The following SIMC1 variants were observed in gnomAD, a reference collection of about 807,000 sequenced individuals.
The protein encoded by SIMC1 is SUMO interacting motifs containing 1.
A neutral mutation model predicts 82.3 loss-of-function variants in SIMC1; 55 were observed. The ratio of observed to expected loss-of-function variants is 0.67; its 90% confidence interval spans 0.54 to 0.84. The LOEUF is 0.84. Ranked by LOEUF, SIMC1 falls within the 40% of genes least tolerant of loss-of-function variation. The pLI is 0.00. For synonymous variants in SIMC1, 353 were observed against 426.3 expected (o/e 0.83, Z 2.12); for missense variants, 915 against 1,107.2 (o/e 0.83, Z 2.46).
intron 1 of SIMC1, among the ~76,000 whole-genome samples, chr5:176,252,620 A>G (rs1761712561): frequency 7.6e-6 from 1 of 131,322 alleles, no homozygotes; most frequent in African/African-American, 3.0e-5. Context: ...CCTAGATGGG[A>G]TGGCGGCCGG....
intron 4 of SIMC1, among the ~76,000 whole-genome samples, chr5:176,298,693 T>C (rs1417331348): frequency 6.6e-6 from 1 of 152,166 alleles, no homozygotes; most frequent in African/African-American, 2.4e-5. Flanking sequence ...ATAATATAAA[T>C]TGCAGTGGAG....
intron 5 of SIMC1, among the ~76,000 whole-genome samples, chr5:176,314,253 C>A (rs1016162386): frequency 1.3e-5 from 2 of 152,064 alleles, no homozygotes; most frequent in Non-Finnish European, 2.9e-5. Flanking sequence ...GGTGACAGAG[C>A]AAGACTCCAT....
chr5:176,268,867 CTT>C (rs1762311466), intron 1 of SIMC1, among the ~76,000 whole-genome samples: 1 of 152,312 alleles, frequency 6.6e-6, no homozygotes, highest in African/African-American at 2.4e-5. Context: ...ACAGAATACA[CTT>C]TTTCTCCCTA....
intron 4 of SIMC1, 50 bp from the exon 5 acceptor site, chr5:176,313,641 C>T (rs1322451216): frequency 6.2e-6 from 10 of 1,605,236 alleles, no homozygotes; most frequent in African/African-American, 2.7e-5. Context: ...TGTTGACTGT[C>T]ATCCAAGAGA....
intron 1 of SIMC1, among the ~76,000 whole-genome samples, chr5:176,269,840 G>A (rs1375508207): frequency 6.6e-6 from 1 of 152,020 alleles, no homozygotes; most frequent in Non-Finnish European, 1.5e-5. Context: ...TGACCTCCCA[G>A]GTTTAAGCCG....
chr5:176,327,121 A>C (rs1765428647), intron 7 of SIMC1, among the ~76,000 whole-genome samples: 1 of 152,214 alleles, frequency 6.6e-6, no homozygotes. Flanking sequence ...ATGTAAGCCC[A>C]GATGCTGGTA....
intron 7 of SIMC1, among the ~76,000 whole-genome samples, chr5:176,331,302 G>A (rs137914301): frequency 0.071 from 10,711 of 151,318 alleles, 523 homozygotes; most frequent in East Asian, 0.18. Flanking sequence ...CCCAGGAGGC[G>A]GAGCTTGCAG....
At chr5:176,330,613 T>C (rs183675681) in intron 7 of SIMC1, among the ~76,000 whole-genome samples, 12 of 152,192 alleles carry the variant, frequency 7.9e-5, no homozygotes, top group Non-Finnish European at 1.5e-5. Context: ...AAAATGAATA[T>C]TGACAGTAAA....
chr5:176,320,114 G>C (rs1207619815), intron 5 of SIMC1, among the ~76,000 whole-genome samples: 3 of 152,152 alleles, frequency 2.0e-5, no homozygotes, highest in African/African-American at 7.2e-5. Context: ...CCAAGGTTTT[G>C]GAAGACACGT....
intron 1 of SIMC1, among the ~76,000 whole-genome samples, chr5:176,243,074 G>A (rs1208413308): frequency 6.6e-6 from 1 of 152,020 alleles, no homozygotes; most frequent in Non-Finnish European, 1.5e-5. Flanking sequence ...CTGGGGACCA[G>A]AGGTGAACAA....
intron 6 of SIMC1, chr5:176,322,744 T>C (rs1765220259): frequency 4.4e-6 from 1 of 229,548 alleles, no homozygotes. Context: ...CAGCTCCTCA[T>C]CACTTCAGAT....
rs149852724 is a variant in SIMC1 at position 176,281,259 on chromosome 5, C to T, written c.130-8395C>T. On this transcript the variant is annotated intron_variant, in intron 1 of 9. Transcript: ENST00000429602. ...GCTTCTGCATGCTTCACGTAGTTCTCGAGCCTTGGCTTTCAGCTCCATCAG... is the reference window on the plus strand; with the variant it reads ...GCTTCTGCATGCTTCACGTAGTTCTTGAGCCTTGGCTTTCAGCTCCATCAG... 7.7e-3 allele frequency among the ~76,000 whole-genome samples: 1,180 copies of T among 152,304 alleles called. 11 individuals carry two copies. The highest frequency in any genetic ancestry group is 0.027 in the African/African-American group (1,110 of 41,548).
intron 1 of SIMC1, among the ~76,000 whole-genome samples, chr5:176,254,717 CTAGT>C (rs1239833989): frequency 6.6e-6 from 1 of 151,054 alleles, no homozygotes; most frequent in African/African-American, 2.4e-5. Flanking sequence ...ATATGATGCT[CTAGT>C]TAAAGCCTTG....
chr5:176,270,801 A>T (rs1762391942), intron 1 of SIMC1, among the ~76,000 whole-genome samples: 1 of 152,198 alleles, frequency 6.6e-6, no homozygotes, highest in African/African-American at 2.4e-5. Flanking sequence ...CCAGAGGCAA[A>T]TCGTCCATCC....
At chr5:176,264,559 T>G (rs1277319582) in intron 1 of SIMC1, among the ~76,000 whole-genome samples, 1 of 151,872 alleles carries the variant, frequency 6.6e-6, no homozygotes, top group Admixed American at 6.6e-5. Context: ...ATTGGGCTCC[T>G]GAAACCATTC....
At chr5:176,336,271 G>A (rs1475143768) in intron 7 of SIMC1, among the ~76,000 whole-genome samples, 1 of 152,140 alleles carries the variant, frequency 6.6e-6, no homozygotes, top group East Asian at 1.9e-4. Flanking sequence ...AGCACCACTA[G>A]CACTTTGCAT....
intron 4 of SIMC1, among the ~76,000 whole-genome samples, chr5:176,303,704 A>G (rs531942742): frequency 6.6e-6 from 1 of 152,326 alleles, no homozygotes; most frequent in African/African-American, 2.4e-5. Flanking sequence ...AGTACTCAAA[A>G]CAGTGTGGTA....
Position 176,293,460 on chromosome 5 carries a change from A to G in SIMC1, c.1432-1570A>G, listed in dbSNP as rs148702968. Among the ~76,000 whole-genome samples, 129 of 151,870 alleles carry G rather than the reference A, an allele frequency of 8.5e-4. 1 individual carries two copies. The highest frequency in any genetic ancestry group is 1.5e-3 in the Non-Finnish European group (102 of 67,928). ...AAAAAAAAAAAAAATTAATTGTTTAAGGCCAGACATGATGGCTCACACCTA... is the reference window on the plus strand; with the variant it reads ...AAAAAAAAAAAAAATTAATTGTTTAGGGCCAGACATGATGGCTCACACCTA... On this transcript the variant is annotated intron_variant, in intron 2 of 9. Transcript: ENST00000429602.
intron 5 of SIMC1, among the ~76,000 whole-genome samples, chr5:176,315,901 A>C (rs1764881295): frequency 6.6e-6 from 1 of 152,190 alleles, no homozygotes; most frequent in Non-Finnish European, 1.5e-5. Context: ...TTGGCCGGGT[A>C]CAGTGGCTCA....
Sources: allele counts gnomAD v4.1 joint callset (sites outside exome capture counted in the v4.1 genomes callset), GRCh38; gene constraint gnomAD v4.1.1; transcripts MANE v1.5; gene names NCBI Gene and HGNC (gene_info 2026-07-23, HGNC 2026-07-21).